The following LIPC variants were observed in gnomAD, a reference collection of about 807,000 sequenced individuals.
LIPC encodes lipase C, hepatic type, also known as hepatic triacylglycerol lipase.
Under a neutral mutation model 50.7 loss-of-function variants are expected in LIPC, and 44 were observed. That is an observed-to-expected ratio of 0.87 (90% CI 0.68 to 1.11). The LOEUF (loss-of-function observed/expected upper bound fraction) is 1.11, where lower values mean the gene tolerates loss of function less well. Ranked by LOEUF, LIPC falls within the 50% of genes most tolerant of loss-of-function variation. The pLI is 0.00. For missense variants in LIPC, 697 were observed against 648.2 expected (o/e 1.08, Z -0.82); for synonymous variants, 271 against 256.4 (o/e 1.06, Z -0.54).
At chr15:58,515,048 T>A (rs1892444024) in intron 1 of LIPC, among the ~76,000 whole-genome samples, 1 of 152,182 alleles carries the variant, frequency 6.6e-6, no homozygotes, top group African/African-American at 2.4e-5. Flanking sequence ...TTCCTTGGCT[T>A]GTGGCTCCTT....
rs767028641 is a variant in LIPC at position 58,538,430 on chromosome 15, T to C, written c.186T>C (p.Cys62=). ...FLLFGETNQG[C]QIRINHPDTL... ...TCTTTGGAGAAACCAATCAGGGCTG[T>C]CAGATTCGAATCAATCATCCGGACA... The change falls in exon 2 of 9, where the codon TGT becomes TGC. Residue 62 remains cysteine, a synonymous_variant. Transcript: ENST00000299022. 1.2e-6 allele frequency: 2 copies of C among 1,614,188 alleles called. No homozygotes were observed. The highest frequency in any genetic ancestry group is 2.2e-5 in the South Asian group (2 of 91,088).
chr15:58,542,299 A>G (rs1893358234), intron 3 of LIPC, among the ~76,000 whole-genome samples: 1 of 152,222 alleles, frequency 6.6e-6, no homozygotes, highest in African/African-American at 2.4e-5. Context: ...GTAGGGCATT[A>G]GTGTCCAGGG....
chr15:58,515,542 A>ATG (rs1892460042), intron 1 of LIPC, among the ~76,000 whole-genome samples: 2 of 150,892 alleles, frequency 1.3e-5, no homozygotes, highest in Non-Finnish European at 2.9e-5. Context: ...ACATATATAT[A>ATG]TATATATATA....
intron 8 of LIPC, among the ~76,000 whole-genome samples, chr15:58,567,265 A>ACGTG (rs373158683): frequency 8.4e-6 from 1 of 118,544 alleles, no homozygotes; most frequent in East Asian, 2.2e-4. Context: ...ATATATGTAT[A>ACGTG]TGTGTGTGTG....
chr15:58,560,380 A>G (rs1487785444), intron 6 of LIPC, among the ~76,000 whole-genome samples: 1 of 152,240 alleles, frequency 6.6e-6, no homozygotes, highest in Non-Finnish European at 1.5e-5. Flanking sequence ...CTTGGTCACT[A>G]GGGCATATAT....
chr15:58,538,508 C>T lies in LIPC; in HGVS notation c.264C>T (p.His88=), dbSNP rs7175412. The stretch of plus-strand genomic sequence containing the variant: ...CCCTGCCTCTGGTGATGATAATCCA[C>T]GGGTGGTCGGTAGGAAATGCTGACA... ...NSSLPLVMII[H]GWSVDGVLEN... Residue 88 remains histidine (H), a synonymous_variant, in exon 2 of 9, where the codon CAC becomes CAT. Transcript: ENST00000299022. 3,383 of 1,614,022 alleles carry T rather than the reference C, an allele frequency of 2.1e-3. 49 individuals carry two copies. In the African/African-American group the frequency reaches 0.039, roughly 19 times the overall value.
chr15:58,507,847 G>A (rs540499601), intron 1 of LIPC, among the ~76,000 whole-genome samples: 1 of 152,338 alleles, frequency 6.6e-6, no homozygotes, highest in African/African-American at 2.4e-5. Context: ...CTTCATAGGG[G>A]AAGGGGAGAT....
chr15:58,556,701 T>C (rs531486487), intron 6 of LIPC, among the ~76,000 whole-genome samples: 165 of 152,332 alleles, frequency 1.1e-3, no homozygotes, highest in African/African-American at 3.7e-3. Context: ...TAGCTTTTAA[T>C]GGCTTCATAA....
At chr15:58,564,850 C>T (rs553739793) in intron 8 of LIPC, among the ~76,000 whole-genome samples, 39 of 152,186 alleles carry the variant, frequency 2.6e-4, no homozygotes, top group Non-Finnish European at 4.0e-4. Flanking sequence ...TTCGGTCATC[C>T]GTGGTTCTCC....
In LIPC at chr15:58,490,490, G is replaced by A. The variant is rs142891831; in HGVS notation, c.89-47843G>A. Among the ~76,000 whole-genome samples the A allele has an allele frequency of 6.6e-5, 10 of 152,242 alleles. No homozygotes were observed. The East Asian group carries it at 1.9e-3, about 29-fold the overall frequency. ...CCCTGCTGCTCCACTGAGAGCCGGC[G>A]CCGTTCGCGGGATAATTATCCTGTA... On this transcript the variant is annotated intron_variant, in intron 1 of 8. Transcript: ENST00000299022.
chr15:58,531,286 G>C (rs1307065747), intron 1 of LIPC, among the ~76,000 whole-genome samples: 2 of 152,088 alleles, frequency 1.3e-5, no homozygotes, highest in African/African-American at 4.8e-5. Context: ...AAGGATATCT[G>C]TTCAGTTCTC....
intron 1 of LIPC, among the ~76,000 whole-genome samples, chr15:58,502,339 G>A (rs1218338009): frequency 6.6e-6 from 1 of 152,068 alleles, no homozygotes; most frequent in African/African-American, 2.4e-5. Context: ...CAGATTGGAT[G>A]CACCTGGACA....
In LIPC at chr15:58,536,399, T is replaced by C. The variant is rs75777966; in HGVS notation, c.89-1934T>C. Among the ~76,000 whole-genome samples the C allele has an allele frequency of 2.3e-3, 347 of 152,308 alleles. 1 individual carries two copies. Among genetic ancestry groups the C allele is most frequent in the African/African-American group, 7.9e-3 (328 of 41,556 alleles). On this transcript the variant is annotated intron_variant, in intron 1 of 8. Coordinates refer to ENST00000299022, the MANE Select transcript of LIPC (RefSeq NM_000236.3). Reference sequence around the variant, plus strand: ...CTAACAGGTATAGTCATTTCTGTTTTAGACTCTTTGAGCAGCTGTGTGCAG... The same window carrying C: ...CTAACAGGTATAGTCATTTCTGTTTCAGACTCTTTGAGCAGCTGTGTGCAG...
intron 1 of LIPC, among the ~76,000 whole-genome samples, chr15:58,457,618 A>G (rs117451442): frequency 6.6e-6 from 1 of 152,208 alleles, no homozygotes; most frequent in African/African-American, 2.4e-5. Context: ...TATCTTCTCC[A>G]TAAAGCTTTC....
intron 1 of LIPC, among the ~76,000 whole-genome samples, chr15:58,483,457 A>T (rs912210147): frequency 1.1e-4 from 17 of 152,154 alleles, no homozygotes; most frequent in Non-Finnish European, 2.4e-4. Flanking sequence ...AGGGTAGAAG[A>T]AGATTTTGCT....
chr15:58,518,811 G>A (rs1368297529), intron 1 of LIPC, among the ~76,000 whole-genome samples: 1 of 152,100 alleles, frequency 6.6e-6, no homozygotes, highest in East Asian at 1.9e-4. Context: ...TCTGCTGGTG[G>A]TGTTGCCTGG....
chr15:58,497,150 C>A (rs1467065703), intron 1 of LIPC, among the ~76,000 whole-genome samples: 2 of 152,342 alleles, frequency 1.3e-5, no homozygotes, highest in Middle Eastern at 6.8e-3. Flanking sequence ...TCCAAGGCAG[C>A]TGAGCCACGA....
At chr15:58,480,073 ATAAT>A (rs567040030) in intron 1 of LIPC, among the ~76,000 whole-genome samples, 1,683 of 152,350 alleles carry the variant, frequency 0.011, 32 homozygotes, top group African/African-American at 0.039. Context: ...TGTGATCAGC[ATAAT>A]TAATGGTTGC....
At chr15:58,506,502 C>T (rs1261185978) in intron 1 of LIPC, among the ~76,000 whole-genome samples, 1 of 152,186 alleles carries the variant, frequency 6.6e-6, no homozygotes, top group Non-Finnish European at 1.5e-5. Context: ...GCAAAGGTGG[C>T]CCAAACCACT....
Sources: gnomAD v4.1 joint callset for allele counts (sites outside exome capture counted in the v4.1 genomes callset) on GRCh38, gnomAD v4.1.1 for gene constraint, MANE v1.5 for transcripts, NCBI Gene and HGNC (gene_info 2026-07-23, HGNC 2026-07-21) for gene names.